Variants in SLC44A1 observed in about 807,000 individuals in gnomAD.
The protein encoded by SLC44A1 is solute carrier family 44 member 1, also known as choline transporter-like protein 1.
In SLC44A1, 26 loss-of-function variants were observed where a neutral mutation model predicts 79.3. The ratio of observed to expected loss-of-function variants is 0.33; its 90% CI spans 0.24 to 0.46. The LOEUF (loss-of-function observed/expected upper bound fraction) is 0.46. Among genes scored for constraint, SLC44A1 ranks in the 20% least tolerant of loss-of-function variants. The probability of loss-of-function intolerance (pLI) is 1.00; values close to 1 mark genes in which losing one functional copy is unlikely to be tolerated. For synonymous variants in SLC44A1, 263 were observed against 286.2 expected (o/e 0.92, Z 0.82); for missense variants, 688 against 798.1 (o/e 0.86, Z 1.66).
chr9:105,386,512 G>A (rs1177325954), intron 15 of SLC44A1: 31 of 716,334 alleles, frequency 4.3e-5, no homozygotes, highest in South Asian at 6.3e-5. Flanking sequence ...CTGCCTGTGG[G>A]CCGCATATGG....
chr9:105,266,640 TTC>T (rs986431060), intron 1 of SLC44A1, among the ~76,000 whole-genome samples: 3 of 152,118 alleles, frequency 2.0e-5, no homozygotes, highest in African/African-American at 4.8e-5. Context: ...TTTCAGAACT[TTC>T]TGTTTGGTTT....
chr9:105,314,433 T>C (rs1238775300), intron 3 of SLC44A1, among the ~76,000 whole-genome samples: 1 of 152,250 alleles, frequency 6.6e-6, no homozygotes, highest in Non-Finnish European at 1.5e-5. Context: ...TCCCTCATTC[T>C]TCAAACAGTC....
intron 4 of SLC44A1, among the ~76,000 whole-genome samples, chr9:105,340,747 A>G (rs975083264): frequency 1.3e-5 from 2 of 152,236 alleles, no homozygotes; most frequent in Non-Finnish European, 2.9e-5. Context: ...ACTTACAACC[A>G]TCCATTCACA....
chr9:105,331,137 A>C (rs529145337), intron 3 of SLC44A1, among the ~76,000 whole-genome samples: 11 of 152,296 alleles, frequency 7.2e-5, no homozygotes, highest in African/African-American at 2.6e-4. Context: ...TTAAGTTATT[A>C]ATAAGCTTAG....
intron 15 of SLC44A1, among the ~76,000 whole-genome samples, chr9:105,410,769 A>C (rs776869395): frequency 1.3e-5 from 2 of 152,084 alleles, no homozygotes; most frequent in African/African-American, 2.4e-5. Context: ...ACGATAACCA[A>C]AAAGTAGAAA....
At position 105,426,110 on chromosome 9, in the gene SLC44A1, T is replaced by C. The variant is rs188316162; in HGVS notation, c.1951-12171T>C. 2.0e-3 allele frequency among the ~76,000 whole-genome samples: 301 copies of C among 152,338 alleles called. 2 individuals are homozygous for C. The highest frequency in any genetic ancestry group is 6.9e-3 in the African/African-American group (288 of 41,580). On this transcript the variant is annotated intron_variant, in intron 15 of 15. Transcript: ENST00000374724. ...GAGTATTTCAGTAGTCCAAAGGAGATGATGGGGACATATAGGAGAATATTT... is the reference window on the plus strand; with the variant it reads ...GAGTATTTCAGTAGTCCAAAGGAGACGATGGGGACATATAGGAGAATATTT...
chr9:105,396,651 C>T lies in SLC44A1; in HGVS notation c.*7595C>T, dbSNP rs1430211977. The T allele has an allele frequency of 2.0e-6, 2 of 985,124 alleles. No individual in the cohort carries two copies. The highest frequency in any genetic ancestry group is 2.4e-6 in the Non-Finnish European group (2 of 829,908). 61.0% of individuals were successfully genotyped at this position (985,124 alleles called of 1,614,324 possible). ...CACACATCGGTGTGTCTTGATTTCT[C>T]GCAGCTGTGTAATGTGGCATGAGAA... On this transcript the variant is annotated 3_prime_UTR_variant, in exon 16 of 16. Transcript: ENST00000374720.
chr9:105,411,276 C>T (rs1829090622), intron 15 of SLC44A1, among the ~76,000 whole-genome samples: 1 of 152,106 alleles, frequency 6.6e-6, no homozygotes, highest in African/African-American at 2.4e-5. Context: ...CCTTCATCTA[C>T]ATTCCCTAAA....
chr9:105,330,866 G>A (rs1261205412), intron 3 of SLC44A1, among the ~76,000 whole-genome samples: 1 of 152,182 alleles, frequency 6.6e-6, no homozygotes, highest in Non-Finnish European at 1.5e-5. Context: ...TTGCTTTGCA[G>A]TTTGGTCTGA....
chr9:105,294,260 T>A (rs1830667674), intron 1 of SLC44A1, among the ~76,000 whole-genome samples: 1 of 152,220 alleles, frequency 6.6e-6, no homozygotes. Flanking sequence ...TTTAGCCATT[T>A]TTGGAAATCT....
intron 1 of SLC44A1, among the ~76,000 whole-genome samples, chr9:105,246,240 C>T (rs566394170): frequency 6.6e-6 from 1 of 152,162 alleles, no homozygotes; most frequent in Admixed American, 6.6e-5. Context: ...CTATATATAA[C>T]TCAGTTTTAA....
chr9:105,294,052 C>T (rs956027925), intron 1 of SLC44A1, among the ~76,000 whole-genome samples: 6 of 152,150 alleles, frequency 3.9e-5, no homozygotes, highest in Non-Finnish European at 7.4e-5. Context: ...AGGTATGTGC[C>T]AGCTGTGGTC....
intron 1 of SLC44A1, among the ~76,000 whole-genome samples, chr9:105,276,049 G>A (rs903065803): frequency 1.3e-5 from 2 of 151,944 alleles, no homozygotes; most frequent in East Asian, 1.9e-4. Context: ...CAGGTGATCC[G>A]CCCACCTCGG....
At chr9:105,417,414 G>A (rs1239919020) in intron 15 of SLC44A1, among the ~76,000 whole-genome samples, 1 of 151,978 alleles carries the variant, frequency 6.6e-6, no homozygotes, top group African/African-American at 2.4e-5. Flanking sequence ...CTCCTGCTTG[G>A]TCTTCAGCCA....
chr9:105,314,589 C>T (rs1259340876), intron 3 of SLC44A1, among the ~76,000 whole-genome samples: 2 of 152,096 alleles, frequency 1.3e-5, no homozygotes, highest in Non-Finnish European at 2.9e-5. Flanking sequence ...TCTTGTCTTT[C>T]TTCCAAGGAA....
chr9:105,259,181 T>C lies in SLC44A1; in HGVS notation c.36+14277T>C, dbSNP rs144850393. Among the ~76,000 whole-genome samples, 781 of 152,336 alleles carry C rather than the reference T, an allele frequency of 5.1e-3. 9 individuals are homozygous for C. The highest frequency in any genetic ancestry group is 0.018 in the African/African-American group (745 of 41,582). ...TCCAGGGCCCTTCCATATTTTCTTC[T>C]AAGAACTAAGTCTGAACAAGTCTGT... On this transcript the variant is annotated intron_variant, in intron 1 of 15. Coordinates refer to ENST00000374720, the MANE Select transcript of SLC44A1 (RefSeq NM_080546.5).
intron 15 of SLC44A1, among the ~76,000 whole-genome samples, chr9:105,410,044 A>G (rs1461137647): frequency 6.6e-6 from 1 of 152,208 alleles, no homozygotes; most frequent in Non-Finnish European, 1.5e-5. Flanking sequence ...ATAAATAACA[A>G]GGAAATTGAC....
chr9:105,349,836 C>T (rs1270102781), intron 5 of SLC44A1, among the ~76,000 whole-genome samples: 2 of 152,130 alleles, frequency 1.3e-5, no homozygotes, highest in Admixed American at 6.6e-5. Context: ...GAGGTCTCTG[C>T]TCCTGTGTAA....
intron 1 of SLC44A1, among the ~76,000 whole-genome samples, chr9:105,287,110 ATAAGT>A (rs888486510): frequency 1.3e-5 from 2 of 152,236 alleles, no homozygotes; most frequent in Non-Finnish European, 2.9e-5. Flanking sequence ...CTTTTATATG[ATAAGT>A]TATTTATTGA....
Sources: gnomAD v4.1 joint callset for allele counts (sites outside exome capture counted in the v4.1 genomes callset) on GRCh38, gnomAD v4.1.1 for gene constraint, MANE v1.5 for transcripts, NCBI Gene and HGNC (gene_info 2026-07-23, HGNC 2026-07-21) for gene names.